MYOM1: variants seen among roughly 807,000 people sequenced by gnomAD.
The protein encoded by MYOM1 is myomesin 1, also known as myomesin-1.
Under a neutral mutation model 205.3 loss-of-function variants are expected in MYOM1, and 164 were observed. That is an observed-to-expected ratio of 0.80 (90% CI 0.70 to 0.91). The LOEUF is 0.91. MYOM1 is among the 40% of genes least tolerant of loss of function. MYOM1 has a pLI of 0.00. For synonymous variants in MYOM1, 772 were observed against 789.4 expected, an observed-to-expected ratio of 0.98 and a Z score of 0.37; for missense variants, 2,011 against 2,127.3, an observed-to-expected ratio of 0.95 and a Z score of 1.08.
intron 21 of MYOM1, among the ~76,000 whole-genome samples, chr18:3,114,728 T>C (rs1598686022): frequency 6.6e-6 from 1 of 151,928 alleles, no homozygotes; most frequent in Non-Finnish European, 1.5e-5. Flanking sequence ...TTCATTTAAA[T>C]TGTTAGTTTT....
At position 3,189,002 on chromosome 18, in the gene MYOM1, C is replaced by T; in HGVS notation, c.517G>A (p.Ala173Thr). 1 of 1,613,552 alleles carries T rather than the reference C, an allele frequency of 6.2e-7. No homozygotes were observed. The highest frequency in any genetic ancestry group is 8.5e-7 in the Non-Finnish European group (1 of 1,179,810). The change falls in exon 4 of 38, where the codon GCT becomes ACT. Residue 173 changes from alanine to threonine, a missense_variant. Ala to Thr is a moderately conservative substitution (Grantham distance 58, BLOSUM62 0). Coordinates refer to ENST00000356443, the MANE Select transcript of MYOM1 (RefSeq NM_003803.4). This position sits in a 1 kb window ranked among gnomAD's most constrained non-coding sequence, Gnocchi z 4.8. ...AAYIAQRNLLASEEGITTSKQ... is the reference protein window; with the variant it reads ...AAYIAQRNLLTSEEGITTSKQ... Reference sequence around the variant, plus strand: ...GATGTTGTGATTCCTTCCTCACTAGCAAGAAGATTCCTCTGGGCTATATAA... The same window carrying T: ...GATGTTGTGATTCCTTCCTCACTAGTAAGAAGATTCCTCTGGGCTATATAA...
intron 35 of MYOM1, 102 bp downstream of exon 35, chr18:3,075,623 T>C: frequency 6.9e-7 from 1 of 1,448,834 alleles, no homozygotes; most frequent in South Asian, 1.1e-5. Flanking sequence ...CTGTACTTTC[T>C]GAAATAAAAG....
chr18:3,129,144 A>C, intron 18 of MYOM1, 88 bp downstream of exon 18: 5 of 1,452,576 alleles, frequency 3.4e-6, no homozygotes, highest in Non-Finnish European at 4.6e-6. Flanking sequence ...TGATGAAAGC[A>C]AACATGGATG....
intron 2 of MYOM1, among the ~76,000 whole-genome samples, chr18:3,205,020 T>G (rs1018571289): frequency 6.6e-6 from 1 of 152,102 alleles, no homozygotes; most frequent in Middle Eastern, 3.2e-3. Flanking sequence ...TAAACCCATA[T>G]GTGAAAGGAC....
chr18:3,109,890 G>A lies in MYOM1; in HGVS notation c.3418+2408C>T, dbSNP rs1432952037. On this transcript the variant is annotated intron_variant, in intron 22 of 37. Transcript: ENST00000356443. ...ATCCTCCTATCTGGACTCCCAAAGT[G>A]TTGGGATTACAGGGCCAAGACAGCA... Among the ~76,000 whole-genome samples, 4 of 152,258 alleles carry A rather than the reference G, an allele frequency of 2.6e-5. No individual in the cohort carries two copies. The South Asian group carries it at 6.2e-4, about 24-fold the overall frequency.
At chr18:3,099,958 T>C (rs184906602) in intron 25 of MYOM1, among the ~76,000 whole-genome samples, 1 of 152,328 alleles carries the variant, frequency 6.6e-6, no homozygotes, top group Non-Finnish European at 1.5e-5. Flanking sequence ...TCTATGTTAG[T>C]ATCCTTGGTA....
At chr18:3,129,172 G>A (rs1372058279) in intron 18 of MYOM1, 60 bp downstream of exon 18, 51 of 1,538,658 alleles carry the variant, frequency 3.3e-5, no homozygotes, top group East Asian at 4.6e-5. Flanking sequence ...TGATGTAGAC[G>A]ATGAGAGGTG....
At chr18:3,089,922 T>G (rs553906782) in intron 27 of MYOM1, among the ~76,000 whole-genome samples, 2 of 152,220 alleles carry the variant, frequency 1.3e-5, no homozygotes, top group Non-Finnish European at 2.9e-5. Context: ...CCAGTTACAA[T>G]GTATGATTAG....
At chr18:3,228,298 G>A in the MYOM1 span, among the ~76,000 whole-genome samples, 1 of 152,154 alleles carries the variant, frequency 6.6e-6, no homozygotes, top group Non-Finnish European at 1.5e-5. This position sits in a 1 kb window ranked among gnomAD's most constrained non-coding sequence, Gnocchi z 4.5. Flanking sequence ...AGATATTCTT[G>A]TTACACTGGA....
At chr18:3,113,966 A>G (rs910024404) in intron 21 of MYOM1, among the ~76,000 whole-genome samples, 2 of 152,192 alleles carry the variant, frequency 1.3e-5, no homozygotes, top group African/African-American at 4.8e-5. Context: ...GTCACTATTT[A>G]TGTAGTAATA....
intron 14 of MYOM1, among the ~76,000 whole-genome samples, chr18:3,136,636 C>T (rs1265856233): frequency 6.6e-6 from 1 of 151,944 alleles, no homozygotes; most frequent in African/African-American, 2.4e-5. Flanking sequence ...CCCATGTTGC[C>T]TAGGCTGGTC....
chr18:3,159,966 C>T (rs1374467755), intron 10 of MYOM1, among the ~76,000 whole-genome samples: 11 of 138,160 alleles, frequency 8.0e-5, no homozygotes, highest in African/African-American at 1.8e-4. Flanking sequence ...TCCCTGCCTG[C>T]CTTCCTTCTC....
chr18:3,095,943 G>T (rs985440189), intron 25 of MYOM1, among the ~76,000 whole-genome samples: 1 of 152,140 alleles, frequency 6.6e-6, no homozygotes, highest in Non-Finnish European at 1.5e-5. Context: ...AAAATATCTG[G>T]AGACCTCATT....
intron 4 of MYOM1, 102 bp from the exon 5 acceptor site, chr18:3,187,739 T>C (rs1598753071): frequency 2.5e-6 from 3 of 1,177,662 alleles, no homozygotes; most frequent in Admixed American, 5.9e-5. Context: ...GTTTTATTTT[T>C]CCATTTGGAA....
chr18:3,190,704 C>T (rs1210772437), intron 3 of MYOM1, among the ~76,000 whole-genome samples: 2 of 152,140 alleles, frequency 1.3e-5, no homozygotes, highest in Non-Finnish European at 2.9e-5. Context: ...GAATTACTAA[C>T]TGAATACAAA....
In MYOM1 at chr18:3,197,136, C is replaced by CTTTTTTT. The variant is rs34446814; in HGVS notation, c.291-3185_291-3179dup. On this transcript the variant is annotated intron_variant, in intron 2 of 37. Transcript: ENST00000356443. The stretch of plus-strand genomic sequence containing the variant: ...CACTATACCAGTCATCTCCAACTTC[C>CTTTTTTT]TTTTTTTTTTTTTTTTTTGAGACGG... Among the ~76,000 whole-genome samples the CTTTTTTT allele has an allele frequency of 9.1e-5, 12 of 132,510 alleles. No individual in the cohort carries two copies. In the East Asian group the frequency reaches 2.6e-3, roughly 28 times the overall value. The allele number at this position is 132,510 out of a possible 152,430, so 86.9% of individuals were successfully genotyped here. A position where few individuals can be genotyped will look rare whatever the true frequency, so the allele number is the denominator to read the frequency against.
At position 3,135,514 on chromosome 18, in the gene MYOM1, C is replaced by A. The variant is rs769421112; in HGVS notation, c.2209+33G>T. On this transcript the variant is annotated intron_variant, in intron 15 of 37. Coordinates refer to ENST00000356443, the MANE Select transcript of MYOM1 (RefSeq NM_003803.4). This position sits in a 1 kb window ranked among gnomAD's most constrained non-coding sequence, Gnocchi z 4.1. ...TACTAGATCCTTGCTTTGAAATTTT[C>A]TCTTGAAGTAAAAGAAGTTTACAGT... The A allele has an allele frequency of 6.3e-7, 1 of 1,593,316 alleles. No homozygotes were observed. Among genetic ancestry groups the A allele is most frequent in the Non-Finnish European group, 8.6e-7 (1 of 1,167,804 alleles).
At chr18:3,145,732 C>CA (rs1248980507) in intron 13 of MYOM1, among the ~76,000 whole-genome samples, 1 of 151,734 alleles carries the variant, frequency 6.6e-6, no homozygotes, top group Admixed American at 6.6e-5. Flanking sequence ...GAAAAAAACC[C>CA]AGCAAATTAA....
At chr18:3,185,154 A>G (rs1454293933) in intron 5 of MYOM1, among the ~76,000 whole-genome samples, 1 of 152,210 alleles carries the variant, frequency 6.6e-6, no homozygotes, top group Admixed American at 6.5e-5. Flanking sequence ...AGCACAATGT[A>G]AGGAGTCTAA....
Sources: allele counts gnomAD v4.1 joint callset (sites outside exome capture counted in the v4.1 genomes callset), GRCh38; gene constraint gnomAD v4.1.1; non-coding constraint Gnocchi (gnomAD v3.1); transcripts MANE v1.5; gene names NCBI Gene and HGNC (gene_info 2026-07-23, HGNC 2026-07-21).